Variants in KCNQ1 observed in about 807,000 individuals in gnomAD.
KCNQ1 encodes potassium voltage-gated channel subfamily Q member 1, also known as potassium voltage-gated channel subfamily KQT member 1.
A neutral mutation model predicts 72.4 loss-of-function variants in KCNQ1; 49 were observed. The observed-to-expected ratio is 0.68, with a 90% confidence interval of 0.54 to 0.86. The LOEUF (loss-of-function observed/expected upper bound fraction) is 0.86. Among genes scored for constraint, KCNQ1 ranks in the 40% least tolerant of loss-of-function variants. The probability of loss-of-function intolerance (pLI) is 0.00; values close to 1 mark genes in which losing one functional copy is unlikely to be tolerated. For synonymous variants in KCNQ1, 450 were observed against 412.6 expected (o/e 1.09, Z -1.10); for missense variants, 790 against 945.1 (o/e 0.84, Z 2.15).
intron 10 of KCNQ1, among the ~76,000 whole-genome samples, chr11:2,589,955 C>T (rs1848649912): frequency 6.6e-6 from 1 of 152,170 alleles, no homozygotes; most frequent in Non-Finnish European, 1.5e-5. Context: ...GCCCACTGGC[C>T]ACGGATGCCA....
chr11:2,649,799 G>T lies in KCNQ1; in HGVS notation c.1394-12162G>T, dbSNP rs1410583845. On this transcript the variant is annotated intron_variant, in intron 10 of 15. Transcript: ENST00000155840. ...GCCCTTTTAGGGTTGAATCTATTTAGGGATTTGTGAGCTTCCTTTATCTGT... is the reference window on the plus strand; with the variant it reads ...GCCCTTTTAGGGTTGAATCTATTTATGGATTTGTGAGCTTCCTTTATCTGT... 3.1e-4 allele frequency: 122 copies of T among 398,402 alleles called. No homozygotes were observed. In the East Asian group the frequency reaches 4.3e-3, roughly 14 times the overall value. The allele number at this position is 398,402 out of a possible 1,614,324, so 24.7% of individuals were successfully genotyped here. A position where few individuals can be genotyped will look rare whatever the true frequency, so the allele number is the denominator to read the frequency against.
chr11:2,662,660 ATG>A (rs901268516), intron 11 of KCNQ1: 3 of 406,272 alleles, frequency 7.4e-6, no homozygotes, highest in Non-Finnish European at 1.3e-5. Flanking sequence ...CCCCTGCGAC[ATG>A]TGACTCCCCG....
chr11:2,776,187 C>G (rs1045599841), intron 13 of KCNQ1, 133 bp downstream of exon 13: 2 of 754,010 alleles, frequency 2.7e-6, no homozygotes, highest in South Asian at 3.4e-5. Flanking sequence ...CCCCCTTCTC[C>G]TCACCACCCC....
rs902943641 is a variant in KCNQ1 at position 2,725,188 on chromosome 11, G to A, written c.1515-43656G>A. ...CCTGACGTGGAGACAGGAGGAAGCC[G>A]ACGGCCATCTGTGCTCAGACCCAGT... On this transcript the variant is annotated intron_variant, in intron 11 of 15. Transcript: ENST00000155840. This position sits in a 1 kb window ranked among gnomAD's most constrained non-coding sequence, Gnocchi z 7.2. Among the ~76,000 whole-genome samples, 16 of 152,218 alleles carry A rather than the reference G, an allele frequency of 1.1e-4. No homozygotes were observed. The highest frequency in any genetic ancestry group is 3.6e-4 in the African/African-American group (15 of 41,446).
At chr11:2,820,336 A>T (rs1302314566) in intron 15 of KCNQ1, among the ~76,000 whole-genome samples, 1 of 152,222 alleles carries the variant, frequency 6.6e-6, no homozygotes, top group Non-Finnish European at 1.5e-5. Flanking sequence ...TTAGAAGGGT[A>T]CTTTTTAAAC....
Position 2,657,325 on chromosome 11 carries a change from G to A in KCNQ1, c.1394-4636G>A. ...TTTGAGATAATCTTTTCAGTATTGA[G>A]TCTTCTAGTCATTGGAATGAAGGCA... On this transcript the variant is annotated intron_variant, in intron 10 of 15. Coordinates refer to ENST00000155840, the MANE Select transcript of KCNQ1 (RefSeq NM_000218.3). The surrounding 1 kb of genome is among the most constrained non-coding windows in gnomAD (Gnocchi z 4.8). 1 of 398,564 alleles carries A rather than the reference G, an allele frequency of 2.5e-6. No individual in the cohort carries two copies. Among genetic ancestry groups the A allele is most frequent in the Admixed American group, 4.4e-5 (1 of 22,730 alleles). 24.7% of individuals were successfully genotyped at this position (398,564 alleles called of 1,614,324 possible). A position where few individuals can be genotyped will look rare whatever the true frequency, so the allele number is the denominator to read the frequency against.
intron 11 of KCNQ1, among the ~76,000 whole-genome samples, chr11:2,761,585 C>T (rs1226151033): frequency 6.6e-6 from 1 of 152,252 alleles, no homozygotes; most frequent in Non-Finnish European, 1.5e-5. Context: ...TTCCCTGCCC[C>T]TCTTCCGTAT....
Position 2,538,582 on chromosome 11 carries a change from CGTG to C in KCNQ1, c.477+10565_477+10567del, listed in dbSNP as rs1238863436. 6.6e-6 allele frequency among the ~76,000 whole-genome samples: 1 copy of C among 152,060 alleles called. No individual in the cohort carries two copies. Among genetic ancestry groups the C allele is most frequent in the Non-Finnish European group, 1.5e-5 (1 of 68,022 alleles). ...ATGCGAAATCTGCTTGCGGGAGAGT[CGTG>C]AAAGTGGGAATCCTGGGCTGGAACC... On this transcript the variant is annotated intron_variant, in intron 2 of 15. Coordinates refer to ENST00000155840, the MANE Select transcript of KCNQ1 (RefSeq NM_000218.3). This position sits in a 1 kb window ranked among gnomAD's most constrained non-coding sequence, Gnocchi z 6.7.
Position 2,848,610 on chromosome 11 carries a change from A to G in KCNQ1, c.*607A>G. ...GAGCCCCCAGCTTCCAGCAGGAGGG[A>G]CAGTCTCACCATTTCCCCAGGGCAC... On this transcript the variant is annotated 3_prime_UTR_variant, in exon 16 of 16. Transcript: ENST00000155840. The G allele has an allele frequency of 2.2e-6, 1 of 453,512 alleles. No homozygotes were observed. Among genetic ancestry groups the G allele is most frequent in the South Asian group, 1.6e-5 (1 of 64,454 alleles). 28.1% of individuals were successfully genotyped at this position (453,512 alleles called of 1,614,324 possible). A position where few individuals can be genotyped will look rare whatever the true frequency, so the allele number is the denominator to read the frequency against.
At chr11:2,575,076 G>A (rs934258021) in intron 6 of KCNQ1, among the ~76,000 whole-genome samples, 1 of 152,188 alleles carries the variant, frequency 6.6e-6, no homozygotes, top group Non-Finnish European at 1.5e-5. Flanking sequence ...GCCCCGGCAC[G>A]GCTGATAAGC....
intron 2 of KCNQ1, among the ~76,000 whole-genome samples, chr11:2,529,324 T>G (rs1048220706): frequency 3.9e-5 from 6 of 152,188 alleles, no homozygotes; most frequent in African/African-American, 1.2e-4. Flanking sequence ...GCTTTCTTTT[T>G]CGGGGGTTTC....
At chr11:2,730,990 C>G (rs979068733) in intron 11 of KCNQ1, among the ~76,000 whole-genome samples, 12 of 152,234 alleles carry the variant, frequency 7.9e-5, no homozygotes, top group Admixed American at 5.2e-4. Flanking sequence ...GGGAGCCCAG[C>G]TTTGCTCATA....
At chr11:2,694,546 A>C (rs1850642290) in intron 11 of KCNQ1, 1 of 398,378 alleles carries the variant, frequency 2.5e-6, no homozygotes, top group Non-Finnish European at 4.4e-6. Context: ...TTGACATGCT[A>C]TTTGCTTTCT....
Position 2,549,347 on chromosome 11 carries a change from G to T in KCNQ1, c.478-21281G>T, listed in dbSNP as rs1293827444. 6.6e-6 allele frequency among the ~76,000 whole-genome samples: 1 copy of T among 152,088 alleles called. No individual in the cohort carries two copies. The highest frequency in any genetic ancestry group is 2.4e-5 in the African/African-American group (1 of 41,412). On this transcript the variant is annotated intron_variant, in intron 2 of 15. Coordinates refer to ENST00000155840, the MANE Select transcript of KCNQ1 (RefSeq NM_000218.3). This position sits in a 1 kb window ranked among gnomAD's most constrained non-coding sequence, Gnocchi z 6.2. ...GACAAACCTGGGTCCAGGCACCTGG[G>T]GCGACCCTCCTTGGCCGTCCTTGCC...
chr11:2,666,741 CCAGG>C, intron 11 of KCNQ1: 2 of 398,820 alleles, frequency 5.0e-6, no homozygotes, highest in Admixed American at 8.8e-5. Context: ...CCCCAGGGTA[CCAGG>C]CACTGCAGCT....
At chr11:2,680,358 A>T in intron 11 of KCNQ1, 1 of 398,334 alleles carries the variant, frequency 2.5e-6, no homozygotes, top group East Asian at 3.6e-5. Context: ...AAATAGAAGC[A>T]GTTTACCCAC....
At chr11:2,689,001 GT>G in intron 11 of KCNQ1, 3 of 398,744 alleles carry the variant, frequency 7.5e-6, no homozygotes, top group Non-Finnish European at 1.3e-5. Context: ...GAGCCTGCAG[GT>G]CCCTGGGTTG....
Position 2,570,753 on chromosome 11 carries a change from C to T in KCNQ1, c.603C>T (p.Ile201=), listed in dbSNP as rs146190510. ...TTGCCCGGAAGCCCATTTCCATCAT[C>T]GGTGAGTCATGCCTGCCCTGTGGAG... is the stretch of plus-strand genomic sequence containing the variant. ...LRFARKPISI[I]DLIVVVASMV... The change falls in exon 3 of 16, where the codon ATC becomes ATT. Residue 201 remains isoleucine, a splice_region_variant and synonymous_variant. Transcript: ENST00000155840. 3.0e-5 allele frequency: 49 copies of T among 1,610,630 alleles called. No homozygotes were observed. Among genetic ancestry groups the T allele is most frequent in the Admixed American group, 1.5e-4 (9 of 60,020 alleles).
At position 2,723,744 on chromosome 11, in the gene KCNQ1, T is replaced by C. The variant is rs887299489; in HGVS notation, c.1515-45100T>C. Among the ~76,000 whole-genome samples the C allele has an allele frequency of 9.9e-5, 15 of 152,264 alleles. No individual in the cohort carries two copies. The highest frequency in any genetic ancestry group is 6.8e-3 in the Middle Eastern group (2 of 294). The stretch of plus-strand genomic sequence containing the variant: ...CCTTGGCAGACAGCCTCTCCTCTAC[T>C]AGCTAGTGGGGCCTCACTAACCGCT... On this transcript the variant is annotated intron_variant, in intron 11 of 15. Transcript: ENST00000155840. The surrounding 1 kb of genome is among the most constrained non-coding windows in gnomAD (Gnocchi z 4.2).
Sources: gnomAD v4.1 joint callset for allele counts (sites outside exome capture counted in the v4.1 genomes callset) on GRCh38, gnomAD v4.1.1 for gene constraint, Gnocchi (gnomAD v3.1) non-coding constraint, MANE v1.5 for transcripts, NCBI Gene and HGNC (gene_info 2026-07-23, HGNC 2026-07-21) for gene names.